The following TOP3A variants were observed in gnomAD, a reference collection of about 807,000 sequenced individuals.
TOP3A encodes the protein DNA topoisomerase III alpha, also known as DNA topoisomerase 3-alpha.
A neutral mutation model predicts 111.3 loss-of-function variants in TOP3A; 64 were observed. The observed-to-expected ratio is 0.57, with a 90% CI of 0.47 to 0.71. The LOEUF is 0.71. TOP3A is among the 30% of genes least tolerant of loss of function. The pLI is 0.00. For missense variants in TOP3A, 1,104 were observed against 1,285.0 expected, an observed-to-expected ratio of 0.86 and a Z score of 2.15; for synonymous variants, 484 against 485.1, an observed-to-expected ratio of 1.00 and a Z score of 0.03.
At chr17:18,297,796 GC>G (rs1292314676) in intron 9 of TOP3A, among the ~76,000 whole-genome samples, 1 of 152,126 alleles carries the variant, frequency 6.6e-6, no homozygotes, top group Non-Finnish European at 1.5e-5. Flanking sequence ...CCAGCAGCCT[GC>G]CTTGGCCTCC....
At chr17:18,313,515 C>G (rs950068157) in intron 1 of TOP3A, 2 of 166,564 alleles carry the variant, frequency 1.2e-5, no homozygotes, top group African/African-American at 4.8e-5. Flanking sequence ...AACCTATTCC[C>G]TATGGATTCA....
chr17:18,283,917 C>A (rs113950231), intron 15 of TOP3A, among the ~76,000 whole-genome samples: 36 of 152,298 alleles, frequency 2.4e-4, no homozygotes, highest in Middle Eastern at 3.4e-3. Flanking sequence ...GAAGGGGTAG[C>A]TTCCATGCCC....
chr17:18,275,103 G>C, intron 18 of TOP3A, 123 bp from the exon 19 acceptor site: 1 of 1,381,152 alleles, frequency 7.2e-7, no homozygotes, highest in Non-Finnish European at 9.7e-7. Flanking sequence ...AGGATTGCTT[G>C]AGCCCAGGAG....
intron 1 of TOP3A, chr17:18,311,859 T>G (rs1228724154): frequency 6.6e-6 from 1 of 152,248 alleles, no homozygotes; most frequent in Non-Finnish European, 1.5e-5. Context: ...AAGGATTCCT[T>G]GAAGATGAGA....
At chr17:18,287,458 G>A (rs1025577147) in intron 13 of TOP3A, among the ~76,000 whole-genome samples, 6 of 151,940 alleles carry the variant, frequency 3.9e-5, no homozygotes, top group Admixed American at 1.3e-4. Context: ...CCTGGGAGGC[G>A]GAGGTTGCAG....
Position 18,302,315 on chromosome 17 carries a change from G to A in TOP3A, c.763C>T (p.Arg255Trp), listed in dbSNP as rs781048036. 31 of 1,613,056 alleles carry A rather than the reference G, an allele frequency of 1.9e-5. No homozygotes were observed. Among genetic ancestry groups the A allele is most frequent in the Non-Finnish European group, 2.5e-5 (29 of 1,179,986 alleles). The change falls in exon 7 of 19, where the codon CGG becomes TGG. Residue 255 changes from arginine to tryptophan, a missense_variant. Arg to Trp is a moderately radical substitution (Grantham distance 101). Transcript: ENST00000321105. ...ACAAAAGCCTGAATGGCTTTGAACC[G>A]CTCCACCACAAAGCCCAGTGTGGGG... ...QFPTLGFVVE[R>W]FKAIQAFVPE...
intron 11 of TOP3A, among the ~76,000 whole-genome samples, chr17:18,292,416 C>T (rs79815030): frequency 0.019 from 2,828 of 152,258 alleles, 47 homozygotes; most frequent in Non-Finnish European, 0.029. Context: ...AGCAGGGAAG[C>T]AGCAGGAGCT....
intron 11 of TOP3A, 75 bp downstream of exon 11, chr17:18,292,570 T>G (rs1027874692): frequency 2.4e-6 from 3 of 1,258,264 alleles, no homozygotes; most frequent in Non-Finnish European, 2.1e-6. Context: ...GCCCACAGAG[T>G]AAATTCAAAC....
chr17:18,308,822 G>A lies in TOP3A; in HGVS notation c.240+60C>T, dbSNP rs145293602. The A allele has an allele frequency of 2.1e-4, 243 of 1,142,438 alleles. 2 individuals carry two copies. In the East Asian group the frequency reaches 5.1e-3, roughly 24 times the overall value. 70.8% of individuals were successfully genotyped at this position (1,142,438 alleles called of 1,614,324 possible). On this transcript the variant is annotated intron_variant, in intron 2 of 18. Transcript: ENST00000321105. ...GACAGCGACATATTCTACATATGAC[G>A]AGGCTGACTACTTTCTCTTGCTTAT... is the stretch of plus-strand genomic sequence containing the variant.
At chr17:18,308,825 GCTGA>G (rs2142991398) in intron 2 of TOP3A, 53 bp downstream of exon 2, 7 of 1,176,224 alleles carry the variant, frequency 6.0e-6, no homozygotes, top group South Asian at 1.5e-5. Context: ...ATATGACGAG[GCTGA>G]CTACTTTCTC....
At chr17:18,305,241 A>T in intron 4 of TOP3A, 21 bp from the exon 5 acceptor site, 3 of 1,588,468 alleles carry the variant, frequency 1.9e-6, no homozygotes, top group Non-Finnish European at 2.6e-6. Flanking sequence ...CAGTGGAATA[A>T]GAGTGGTGAG....
In TOP3A at chr17:18,272,325, G is replaced by C. The variant is rs1183456505; in HGVS notation, c.*2477C>G. On this transcript the variant is annotated 3_prime_UTR_variant, in exon 19 of 19. Coordinates refer to ENST00000321105, the MANE Select transcript of TOP3A (RefSeq NM_004618.5). ...GGAGAAGCAGTAACCCTGGTGTGCTGCTGGTGGGTGTAAAGTGGTGCATCC... is the reference window on the plus strand; with the variant it reads ...GGAGAAGCAGTAACCCTGGTGTGCTCCTGGTGGGTGTAAAGTGGTGCATCC... Among the ~76,000 whole-genome samples the C allele has an allele frequency of 1.3e-5, 2 of 152,238 alleles. No individual in the cohort carries two copies. Among genetic ancestry groups the C allele is most frequent in the Non-Finnish European group, 2.9e-5 (2 of 68,040 alleles).
chr17:18,303,917 G>A (rs960430188), intron 5 of TOP3A, among the ~76,000 whole-genome samples: 10 of 152,082 alleles, frequency 6.6e-5, no homozygotes, highest in Non-Finnish European at 1.3e-4. Flanking sequence ...ATACCCACAG[G>A]TGTGGAGGGG....
At chr17:18,308,454 T>A in intron 2 of TOP3A, 30 bp from the exon 3 acceptor site, 1 of 1,492,446 alleles carries the variant, frequency 6.7e-7, no homozygotes, top group Non-Finnish European at 9.3e-7. Flanking sequence ...AAAATTCAGT[T>A]AGTCTTTTTG....
chr17:18,287,350 A>G (rs1021944828), intron 13 of TOP3A, among the ~76,000 whole-genome samples: 2 of 152,018 alleles, frequency 1.3e-5, no homozygotes, highest in Non-Finnish European at 2.9e-5. Flanking sequence ...CTTAGCTAAC[A>G]GTGAAACCCC....
chr17:18,279,582 T>C (rs369837645), intron 17 of TOP3A, among the ~76,000 whole-genome samples: 2 of 73,730 alleles, frequency 2.7e-5, no homozygotes, highest in East Asian at 4.6e-4. Context: ...GTAGAGACAG[T>C]GTCTCACCAT....
chr17:18,302,737 G>A lies in TOP3A; in HGVS notation c.500-14C>T. 6.2e-7 allele frequency: 1 copy of A among 1,604,058 alleles called. No homozygotes were observed. Among genetic ancestry groups the A allele is most frequent in the East Asian group, 2.2e-5 (1 of 44,556 alleles). ...GATTGGGCTTTACTGCAGAACACAA[G>A]GTGTTACCAAGGTCAAAGTCAAATC... On this transcript the variant is annotated splice_polypyrimidine_tract_variant and intron_variant, in intron 5 of 18. Coordinates refer to ENST00000321105, the MANE Select transcript of TOP3A (RefSeq NM_004618.5).
rs1597948106 is a variant in TOP3A at position 18,273,555 on chromosome 17, T to C, written c.*1247A>G. ...GTGAGCTCCTTCCAGCACTGGCTGG[T>C]ACCTGTTGCTTCTGCAAATGTTCCC... On this transcript the variant is annotated 3_prime_UTR_variant, in exon 19 of 19. Coordinates refer to ENST00000321105, the MANE Select transcript of TOP3A (RefSeq NM_004618.5). Among the ~76,000 whole-genome samples, 1 of 152,192 alleles carries C rather than the reference T, an allele frequency of 6.6e-6. No individual in the cohort carries two copies.
At chr17:18,296,355 G>A (rs1272775637) in intron 9 of TOP3A, among the ~76,000 whole-genome samples, 2 of 152,136 alleles carry the variant, frequency 1.3e-5, no homozygotes, top group Admixed American at 1.3e-4. Flanking sequence ...GCCGAGGCGG[G>A]CGGATCACAA....
Sources: gnomAD v4.1 joint callset for allele counts (sites outside exome capture counted in the v4.1 genomes callset) on GRCh38, gnomAD v4.1.1 for gene constraint, MANE v1.5 for transcripts, NCBI Gene and HGNC (gene_info 2026-07-23, HGNC 2026-07-21) for gene names.